The following KITLG variants were observed in gnomAD, a reference collection of about 807,000 sequenced individuals.
KITLG encodes the protein c-Kit ligand.
In KITLG, 13 loss-of-function variants were observed where a neutral mutation model predicts 34.1. That is an observed-to-expected ratio of 0.38 (90% confidence interval 0.25 to 0.61). The LOEUF (loss-of-function observed/expected upper bound fraction) is 0.61. Among genes scored for constraint, KITLG ranks in the 20% least tolerant of loss-of-function variants. KITLG has a pLI of 0.60. For missense variants in KITLG, 292 were observed against 318.9 expected (o/e 0.92, Z 0.64); for synonymous variants, 110 against 104.0 (o/e 1.06, Z -0.35).
At chr12:88,513,073 G>A (rs1427483644) in intron 6 of KITLG, among the ~76,000 whole-genome samples, 1 of 151,794 alleles carries the variant, frequency 6.6e-6, no homozygotes, top group Non-Finnish European at 1.5e-5. Context: ...ATTGTGTATT[G>A]TAGACTGTAT....
intron 3 of KITLG, among the ~76,000 whole-genome samples, chr12:88,528,810 G>A (rs1869973419): frequency 6.6e-6 from 1 of 152,162 alleles, no homozygotes; most frequent in African/African-American, 2.4e-5. Flanking sequence ...AACGGCACAT[G>A]GGTGTTCTTT....
rs1169818822 is a variant in KITLG at position 88,494,606 on chromosome 12, C to T, written c.*2613G>A. On this transcript the variant is annotated 3_prime_UTR_variant, in exon 10 of 10. Coordinates refer to ENST00000644744, the MANE Select transcript of KITLG (RefSeq NM_000899.5). ...AGCACATTAAATTACAATACAATATCCAGGAACACTTCATTATCACTCAGG... is the reference window on the plus strand; with the variant it reads ...AGCACATTAAATTACAATACAATATTCAGGAACACTTCATTATCACTCAGG... 3 of 152,446 alleles carry T rather than the reference C, an allele frequency of 2.0e-5. No individual in the cohort carries two copies. The highest frequency in any genetic ancestry group is 3.4e-3 in the Middle Eastern group (1 of 294). The allele number at this position is 152,446 out of a possible 1,614,324, so 9.4% of individuals were successfully genotyped here.
chr12:88,551,750 G>A (rs1028797888), intron 1 of KITLG, among the ~76,000 whole-genome samples: 5 of 152,100 alleles, frequency 3.3e-5, no homozygotes, highest in African/African-American at 1.2e-4. Flanking sequence ...AAGTATAATG[G>A]CCCCAAAGAT....
chr12:88,505,655 C>A (rs187212128), intron 8 of KITLG, among the ~76,000 whole-genome samples: 28 of 152,224 alleles, frequency 1.8e-4, no homozygotes, highest in Non-Finnish European at 3.5e-4. Context: ...CATCTTACAG[C>A]AAATTTTGTA....
chr12:88,550,123 C>A (rs1237307456), intron 1 of KITLG, among the ~76,000 whole-genome samples: 4 of 152,154 alleles, frequency 2.6e-5, no homozygotes, highest in Non-Finnish European at 5.9e-5. Flanking sequence ...TGAGATTAAC[C>A]AGAAACAGTG....
Position 88,515,579 on chromosome 12 carries a change from G to T in KITLG, c.559C>A (p.Pro187Thr). Reference protein sequence around the residue: ...VSVTKPFMLPPVAASSLRNDS... With the variant: ...VSVTKPFMLPTVAASSLRNDS... ...TTCCTAAGGGAGCTGGCTGCAACAGGGGGTAACATAAATGGTTTTGTGACA... is the reference window on the plus strand; with the variant it reads ...TTCCTAAGGGAGCTGGCTGCAACAGTGGGTAACATAAATGGTTTTGTGACA... The change falls in exon 6 of 10, where the codon CCT (proline) becomes ACT (threonine). Residue 187 changes from proline to threonine, a missense_variant. By Grantham distance (38) the Pro-to-Thr change is conservative. Around this residue, in one of 2 missense-constraint regions of KITLG, gnomAD observed 140 missense variants for 111.0 expected, o/e 1.26. Coordinates refer to ENST00000644744, the MANE Select transcript of KITLG (RefSeq NM_000899.5). 2 of 1,611,026 alleles carry T rather than the reference G, an allele frequency of 1.2e-6. No homozygotes were observed. Among genetic ancestry groups the T allele is most frequent in the East Asian group, 4.5e-5 (2 of 44,744 alleles).
chr12:88,579,495 C>A (rs1270473095), intron 1 of KITLG, among the ~76,000 whole-genome samples: 1 of 152,164 alleles, frequency 6.6e-6, no homozygotes, highest in Admixed American at 6.5e-5. Context: ...CCCCAGGCAG[C>A]GCTTTACCCA....
intron 1 of KITLG, among the ~76,000 whole-genome samples, chr12:88,578,238 G>A (rs1871895316): frequency 6.6e-6 from 1 of 151,986 alleles, no homozygotes; most frequent in Admixed American, 6.6e-5. Flanking sequence ...CAGTGACTGT[G>A]GAATCGCTAG....
rs1868642391 is a variant in KITLG, at chr12:88,496,384, T to G, written c.*835A>C. The G allele has an allele frequency of 6.6e-6, 1 of 152,170 alleles. No homozygotes were observed. The highest frequency in any genetic ancestry group is 1.5e-5 in the Non-Finnish European group (1 of 68,020). The allele number at this position is 152,170 out of a possible 1,614,324, so 9.4% of individuals were successfully genotyped here. A position where few individuals can be genotyped will look rare whatever the true frequency, so the allele number is the denominator to read the frequency against. On this transcript the variant is annotated 3_prime_UTR_variant, in exon 10 of 10. Transcript: ENST00000644744. Reference sequence around the variant, plus strand: ...TCATAACACATTTTGCAAACACGATTTATACACCCTATAGTGGTCAAGGGA... The same window carrying G: ...TCATAACACATTTTGCAAACACGATGTATACACCCTATAGTGGTCAAGGGA...
chr12:88,528,187 T>C (rs907263725), intron 3 of KITLG, among the ~76,000 whole-genome samples: 2 of 152,208 alleles, frequency 1.3e-5, no homozygotes, highest in African/African-American at 4.8e-5. Context: ...GTGCGTTCCT[T>C]GGCTTGTGAA....
chr12:88,567,878 G>A (rs1362468347), intron 1 of KITLG, among the ~76,000 whole-genome samples: 1 of 152,132 alleles, frequency 6.6e-6, no homozygotes, highest in Non-Finnish European at 1.5e-5. Context: ...GTGACTCAAA[G>A]TCATACAGTT....
intron 1 of KITLG, among the ~76,000 whole-genome samples, chr12:88,578,951 T>C (rs1871919328): frequency 6.6e-6 from 1 of 152,188 alleles, no homozygotes; most frequent in Non-Finnish European, 1.5e-5. Flanking sequence ...GGTGCGGTGC[T>C]CAATGCCTTG....
chr12:88,561,467 C>T (rs1367424219), intron 1 of KITLG, among the ~76,000 whole-genome samples: 1 of 152,188 alleles, frequency 6.6e-6, no homozygotes, highest in Non-Finnish European at 1.5e-5. Context: ...CTCTCCATTT[C>T]ATCTTGTACA....
chr12:88,536,314 CA>C (rs1280513501), intron 2 of KITLG, among the ~76,000 whole-genome samples: 4 of 152,076 alleles, frequency 2.6e-5, no homozygotes, highest in Non-Finnish European at 5.9e-5. Context: ...CCTCACTAAT[CA>C]ACAGAGAAAT....
chr12:88,508,007 TA>T (rs1869130133), intron 6 of KITLG, among the ~76,000 whole-genome samples: 1 of 151,946 alleles, frequency 6.6e-6, no homozygotes, highest in Admixed American at 6.6e-5. Flanking sequence ...GCCAACACGG[TA>T]AAACCCCGTC....
At chr12:88,531,387 T>C (rs1051449928) in intron 3 of KITLG, among the ~76,000 whole-genome samples, 1 of 152,182 alleles carries the variant, frequency 6.6e-6, no homozygotes, top group Non-Finnish European at 1.5e-5. Context: ...ATTAGTTACA[T>C]TTGTAATGTT....
rs542366271 is a variant in KITLG, at chr12:88,561,027, G to T, written c.16-15162C>A. On this transcript the variant is annotated intron_variant, in intron 1 of 9. Coordinates refer to ENST00000644744, the MANE Select transcript of KITLG (RefSeq NM_000899.5). ...GAAAGAAAACAGTGTGTTTACTCATGCACAGAGAAGTGGTATAGAGGAGGG... is the reference window on the plus strand; with the variant it reads ...GAAAGAAAACAGTGTGTTTACTCATTCACAGAGAAGTGGTATAGAGGAGGG... Among the ~76,000 whole-genome samples the T allele has an allele frequency of 1.9e-4, 28 of 150,054 alleles. No homozygotes were observed. The South Asian group carries it at 6.0e-3, about 32-fold the overall frequency.
intron 1 of KITLG, among the ~76,000 whole-genome samples, chr12:88,557,337 C>T (rs1475016450): frequency 6.6e-6 from 1 of 151,958 alleles, no homozygotes; most frequent in Non-Finnish European, 1.5e-5. Context: ...TAAAGATGTA[C>T]ATAATAGAGT....
At chr12:88,512,701 TTTTCAGAAA>T (rs1869320582) in intron 6 of KITLG, among the ~76,000 whole-genome samples, 1 of 151,720 alleles carries the variant, frequency 6.6e-6, no homozygotes, top group African/African-American at 2.4e-5. Flanking sequence ...TTTTTTATTT[TTTTCAGAAA>T]CAATAACTGC....
Sources: allele counts gnomAD v4.1 joint callset (sites outside exome capture counted in the v4.1 genomes callset), GRCh38; gene constraint gnomAD v4.1.1; regional missense constraint gnomAD v4.1.1; transcripts MANE v1.5; gene names NCBI Gene and HGNC (gene_info 2026-07-23, HGNC 2026-07-21).